ADCY3: variants seen among roughly 807,000 people sequenced by gnomAD.
The protein encoded by ADCY3 is adenylate cyclase 3, also known as adenylate cyclase type 3.
Under a neutral mutation model 119.4 loss-of-function variants are expected in ADCY3, and 70 were observed. The ratio of observed to expected loss-of-function variants is 0.59; its 90% CI spans 0.48 to 0.72. ADCY3 has a LOEUF of 0.72. Among genes scored for constraint, ADCY3 ranks in the 30% least tolerant of loss-of-function variants. The pLI is 0.00. For missense variants in ADCY3, 1,238 were observed against 1,541.6 expected (o/e 0.80, Z 3.30); for synonymous variants, 672 against 621.4 (o/e 1.08, Z -1.21).
rs1664917313 is a variant in ADCY3 at position 24,920,050 on chromosome 2, C to T, written c.-565G>A. ...CGGCTCTCCGGACCCCTCCCCTGCA[C>T]CCGCGGCGGCGGCGGCTGCTAGGGG... is the stretch of plus-strand genomic sequence containing the variant. On this transcript the variant is annotated 5_prime_UTR_variant, in exon 1 of 22. In the 5' UTR this introduces an upstream ATG that the reference lacks. Coordinates refer to ENST00000679454, the MANE Select transcript of ADCY3 (RefSeq NM_004036.5). This position sits in a 1 kb window ranked among gnomAD's most constrained non-coding sequence, Gnocchi z 4.5. Among the ~76,000 whole-genome samples, 1 of 146,062 alleles carries T rather than the reference C, an allele frequency of 6.8e-6. No homozygotes were observed. Among genetic ancestry groups the T allele is most frequent in the African/African-American group, 2.5e-5 (1 of 40,622 alleles).
At chr2:24,892,663 C>T (rs1232347981) in intron 2 of ADCY3, among the ~76,000 whole-genome samples, 1 of 152,156 alleles carries the variant, frequency 6.6e-6, no homozygotes, top group South Asian at 2.1e-4. Flanking sequence ...TATAAATATT[C>T]CTTTGGTACA....
intron 3 of ADCY3, among the ~76,000 whole-genome samples, chr2:24,870,040 G>A (rs897205759): frequency 6.6e-6 from 1 of 151,970 alleles, no homozygotes; most frequent in Non-Finnish European, 1.5e-5. Context: ...GCAGGTCACG[G>A]TGGCTCATGC....
Position 24,841,478 on chromosome 2 carries a change from A to G in ADCY3, c.1068+78T>C. 7 of 1,588,452 alleles carry G rather than the reference A, an allele frequency of 4.4e-6. No individual in the cohort carries two copies. Among genetic ancestry groups the G allele is most frequent in the Non-Finnish European group, 6.0e-6 (7 of 1,164,812 alleles). ...AGAGGAAGGACAGTGGGAGAAAATC[A>G]TGGGGCCGGGGATGGGGGCCAGGCA... On this transcript the variant is annotated intron_variant, in intron 5 of 21. Coordinates refer to ENST00000679454, the MANE Select transcript of ADCY3 (RefSeq NM_004036.5). The surrounding 1 kb of genome is among the most constrained non-coding windows in gnomAD (Gnocchi z 5.8).
rs57777144 is a variant in ADCY3, at chr2:24,903,149, CAAA to C, written c.675+15161_675+15163del. On this transcript the variant is annotated intron_variant, in intron 2 of 21. Transcript: ENST00000679454. ...GTGACACAGAGAGAGACTCTATCTC[CAAA>C]AAAAAAAAAAAAAAAAGTTATACAT... Among the ~76,000 whole-genome samples the C allele has an allele frequency of 3.9e-3, 370 of 95,428 alleles. 1 individual carries two copies. Among genetic ancestry groups the C allele is most frequent in the Middle Eastern group, 0.014 (2 of 142 alleles). 62.6% of individuals were successfully genotyped at this position (95,428 alleles called of 152,430 possible).
intron 2 of ADCY3, among the ~76,000 whole-genome samples, chr2:24,891,651 CTA>C (rs1677673919): frequency 6.6e-6 from 1 of 152,130 alleles, no homozygotes. Flanking sequence ...AGCAAATCTT[CTA>C]TATGTGAACT....
At chr2:24,820,899 G>A in intron 20 of ADCY3, 51 bp from the exon 21 acceptor site, 2 of 1,602,022 alleles carry the variant, frequency 1.2e-6, no homozygotes, top group Middle Eastern at 1.7e-4. Context: ...ACCTTGTTAT[G>A]GGCCTCAGAA....
At chr2:24,855,261 A>G (rs1285145216) in intron 3 of ADCY3, among the ~76,000 whole-genome samples, 1 of 152,166 alleles carries the variant, frequency 6.6e-6, no homozygotes, top group African/African-American at 2.4e-5. Context: ...AAAAGGGACA[A>G]GACTTGCTTT....
intron 19 of ADCY3, chr2:24,821,870 C>A: frequency 1.9e-6 from 1 of 535,246 alleles, no homozygotes; most frequent in South Asian, 2.6e-5. Context: ...AGGAGACGGA[C>A]CTGTGAGTCT....
chr2:24,831,813 G>GT, intron 11 of ADCY3, 64 bp from the exon 12 acceptor site: 2 of 1,219,450 alleles, frequency 1.6e-6, no homozygotes, highest in Non-Finnish European at 2.4e-6. Context: ...TGAGGGGCTA[G>GT]GAGAGGAAGG....
intron 3 of ADCY3, among the ~76,000 whole-genome samples, chr2:24,855,933 C>T (rs916951470): frequency 6.6e-6 from 1 of 152,194 alleles, no homozygotes; most frequent in Non-Finnish European, 1.5e-5. Context: ...GCCTGGTTCG[C>T]ACTGGCTCAG....
chr2:24,826,302 C>T (rs1668610608), intron 15 of ADCY3, 176 bp from the exon 16 acceptor site: 4 of 588,072 alleles, frequency 6.8e-6, no homozygotes, highest in Admixed American at 6.2e-5. Flanking sequence ...TTTCTTAACT[C>T]ACTGGGCTCC....
rs139521985 is a variant in ADCY3 at position 24,834,234 on chromosome 2, C to T, written c.1967+251G>A. 1.7e-3 allele frequency among the ~76,000 whole-genome samples: 260 copies of T among 152,352 alleles called. No individual in the cohort carries two copies. Among genetic ancestry groups the T allele is most frequent in the African/African-American group, 5.9e-3 (244 of 41,590 alleles). Reference sequence around the variant, plus strand: ...CCTTCTGGAGGCCTCTGTCCCTCAGCTCTCTTGATCCTGGCCAGATCCCCA... The same window carrying T: ...CCTTCTGGAGGCCTCTGTCCCTCAGTTCTCTTGATCCTGGCCAGATCCCCA... On this transcript the variant is annotated intron_variant, in intron 11 of 21. Coordinates refer to ENST00000679454, the MANE Select transcript of ADCY3 (RefSeq NM_004036.5). This position sits in a 1 kb window ranked among gnomAD's most constrained non-coding sequence, Gnocchi z 4.2.
intron 21 of ADCY3, 40 bp from the exon 22 acceptor site, chr2:24,820,154 G>C: frequency 6.7e-7 from 1 of 1,502,742 alleles, no homozygotes; most frequent in Non-Finnish European, 8.9e-7. Context: ...CGTTACGGGG[G>C]GAGCCTAGAC....
chr2:24,850,656 C>G (rs551142488), intron 3 of ADCY3, among the ~76,000 whole-genome samples: 1 of 152,364 alleles, frequency 6.6e-6, no homozygotes, highest in South Asian at 2.1e-4. Flanking sequence ...TTTATCCCCC[C>G]AAATCCAACA....
At chr2:24,821,908 G>A (rs921055879) in intron 19 of ADCY3, 1 of 417,676 alleles carries the variant, frequency 2.4e-6, no homozygotes, top group East Asian at 4.7e-5. Context: ...CTTCACCTTG[G>A]CTGGGCCTGG....
At chr2:24,844,366 C>T (rs1342485060) in intron 3 of ADCY3, among the ~76,000 whole-genome samples, 1 of 152,106 alleles carries the variant, frequency 6.6e-6, no homozygotes, top group African/African-American at 2.4e-5. Context: ...GTCCTCAGCA[C>T]CTAGGGCCTG....
At chr2:24,825,744 T>C in intron 16 of ADCY3, 1 of 406,044 alleles carries the variant, frequency 2.5e-6, no homozygotes, top group East Asian at 5.2e-5. Context: ...GCCCCTGGCC[T>C]AGGGGATATT....
rs1201956210 is a variant in ADCY3, at chr2:24,827,919, C to T, written c.2415G>A (p.Lys805=). ...WRPVFDEYDH[K]RFREHDLPMV... is the part of the protein sequence containing the mutation. ...CATCTTACTCGTGCTCCCGAAAACG[C>T]TTGTGGTCGTATTCATCAAAGACGG... The change falls in exon 14 of 22, where the codon AAG becomes AAA. Residue 805 remains lysine, a synonymous_variant. Coordinates refer to ENST00000679454, the MANE Select transcript of ADCY3 (RefSeq NM_004036.5). 4 of 1,614,152 alleles carry T rather than the reference C, an allele frequency of 2.5e-6. No individual in the cohort carries two copies. In the Admixed American group the frequency reaches 5.0e-5, roughly 20 times the overall value.
rs575766636 is a variant in ADCY3 at position 24,899,918 on chromosome 2, C to T, written c.675+18395G>A. Among the ~76,000 whole-genome samples the T allele has an allele frequency of 5.9e-5, 9 of 152,190 alleles. No homozygotes were observed. The highest frequency in any genetic ancestry group is 2.2e-4 in the African/African-American group (9 of 41,530). The stretch of plus-strand genomic sequence containing the variant: ...ACTCCTGTCTAGGTTGAATTATTTT[C>T]TTACAATAGTGCTTCATAATATAGA... On this transcript the variant is annotated intron_variant, in intron 2 of 21. Transcript: ENST00000679454. This position sits in a 1 kb window ranked among gnomAD's most constrained non-coding sequence, Gnocchi z 4.5.
Sources: allele counts gnomAD v4.1 joint callset (sites outside exome capture counted in the v4.1 genomes callset), GRCh38; gene constraint gnomAD v4.1.1; non-coding constraint Gnocchi (gnomAD v3.1); transcripts MANE v1.5; gene names NCBI Gene and HGNC (gene_info 2026-07-23, HGNC 2026-07-21).